The following CADM2 variants were observed in gnomAD, a reference collection of about 807,000 sequenced individuals.
CADM2 encodes immunoglobulin superfamily member 4D.
Under a neutral mutation model 49.8 loss-of-function variants are expected in CADM2, and 12 were observed. That is an observed-to-expected ratio of 0.24 (90% CI 0.15 to 0.39). CADM2 has a LOEUF of 0.39. Ranked by LOEUF, CADM2 falls within the 10% of genes least tolerant of loss-of-function variation. The pLI, the probability that CADM2 is intolerant of heterozygous loss-of-function variation, is 1.00. For missense variants in CADM2, 378 were observed against 492.3 expected, an observed-to-expected ratio of 0.77 and a Z score of 2.20; for synonymous variants, 214 against 175.4, an observed-to-expected ratio of 1.22 and a Z score of -1.74.
chr3:85,354,404 A>G (rs1355392716), intron 1 of CADM2, among the ~76,000 whole-genome samples: 6 of 150,602 alleles, frequency 4.0e-5, no homozygotes, highest in Non-Finnish European at 5.9e-5. Flanking sequence ...CCTAATGCTA[A>G]ATGACGAGTT....
intron 1 of CADM2, among the ~76,000 whole-genome samples, chr3:85,531,792 T>C (rs991088669): frequency 6.6e-6 from 1 of 152,196 alleles, no homozygotes; most frequent in Non-Finnish European, 1.5e-5. Flanking sequence ...TCAAACAAAA[T>C]TGGCTTTCTT....
intron 3 of CADM2, among the ~76,000 whole-genome samples, chr3:85,829,806 T>C (rs540215133): frequency 6.6e-6 from 1 of 152,042 alleles, no homozygotes; most frequent in Non-Finnish European, 1.5e-5. Flanking sequence ...CTTAGCGTAA[T>C]GTTCTCCAGG....
At chr3:85,327,825 C>G (rs2044799260) in intron 1 of CADM2, among the ~76,000 whole-genome samples, 1 of 151,990 alleles carries the variant, frequency 6.6e-6, no homozygotes, top group South Asian at 2.1e-4. Flanking sequence ...AAATTCTATT[C>G]TGAATAGTTA....
chr3:85,142,952 CTTA>C (rs1316601770), intron 1 of CADM2, among the ~76,000 whole-genome samples: 8 of 151,974 alleles, frequency 5.3e-5, no homozygotes, highest in Non-Finnish European at 1.2e-4. Flanking sequence ...TCCAATTTGC[CTTA>C]TTATCCCATT....
chr3:85,125,995 G>C (rs935931555), intron 1 of CADM2, among the ~76,000 whole-genome samples: 1 of 151,864 alleles, frequency 6.6e-6, no homozygotes, highest in African/African-American at 2.4e-5. Flanking sequence ...TTATTTTCTA[G>C]ATATTTGCAG....
chr3:85,826,524 T>C (rs1274043861), intron 3 of CADM2, among the ~76,000 whole-genome samples: 1 of 152,050 alleles, frequency 6.6e-6, no homozygotes, highest in Non-Finnish European at 1.5e-5. Flanking sequence ...ATTGTTTTAA[T>C]AGGCAGAAGT....
At chr3:85,715,331 T>C (rs547212052) in intron 1 of CADM2, among the ~76,000 whole-genome samples, 1 of 152,216 alleles carries the variant, frequency 6.6e-6, no homozygotes, top group Admixed American at 6.5e-5. Flanking sequence ...GAGCAAAAAG[T>C]ATTTTTTTAG....
intron 1 of CADM2, among the ~76,000 whole-genome samples, chr3:85,142,063 A>G (rs1299017141): frequency 2.0e-5 from 3 of 152,260 alleles, no homozygotes; most frequent in South Asian, 2.1e-4. Context: ...AGGAAATCAC[A>G]TAGTTACACC....
At chr3:85,044,069 T>C (rs1302606873) in intron 1 of CADM2, among the ~76,000 whole-genome samples, 2 of 152,038 alleles carry the variant, frequency 1.3e-5, no homozygotes, top group Non-Finnish European at 2.9e-5. Flanking sequence ...GTGACCTAAG[T>C]AGGGAAAGGA....
intron 1 of CADM2, among the ~76,000 whole-genome samples, chr3:85,630,247 T>C (rs2064265937): frequency 6.6e-6 from 1 of 152,030 alleles, no homozygotes; most frequent in Non-Finnish European, 1.5e-5. Context: ...CCCAGGTCTG[T>C]TTTCCCAGTA....
At chr3:85,614,567 C>G (rs533938695) in intron 1 of CADM2, among the ~76,000 whole-genome samples, 1 of 151,942 alleles carries the variant, frequency 6.6e-6, no homozygotes, top group East Asian at 1.9e-4. Flanking sequence ...CCCCCTTTCA[C>G]TTAAAAATGC....
intron 1 of CADM2, among the ~76,000 whole-genome samples, chr3:85,279,624 C>G (rs2043450570): frequency 6.6e-6 from 1 of 151,118 alleles, no homozygotes; most frequent in Non-Finnish European, 1.5e-5. Flanking sequence ...TGGTGATAGT[C>G]TCTAAATTTA....
At chr3:85,622,511 C>T (rs2064005566) in intron 1 of CADM2, among the ~76,000 whole-genome samples, 1 of 152,036 alleles carries the variant, frequency 6.6e-6, no homozygotes, top group Admixed American at 6.6e-5. Flanking sequence ...TCTGTTTCCT[C>T]TTGCCTCCTT....
chr3:85,953,894 T>C (rs1723743335), intron 7 of CADM2, among the ~76,000 whole-genome samples: 1 of 150,946 alleles, frequency 6.6e-6, no homozygotes, highest in South Asian at 2.1e-4. Flanking sequence ...ATAGGACATT[T>C]TCTGTTAATT....
In CADM2 at chr3:85,468,140, C is replaced by A. The variant is rs556455329; in HGVS notation, c.62-258382C>A. ...CTGCACTCCAGCCTGGGCGACAGAG[C>A]GAGACTCCGTCTCAAAAAAAAAAAA... On this transcript the variant is annotated intron_variant, in intron 1 of 9. Transcript: ENST00000383699. 9.9e-5 allele frequency among the ~76,000 whole-genome samples: 11 copies of A among 111,496 alleles called. No individual in the cohort carries two copies. The South Asian group carries it at 2.6e-3, about 26-fold the overall frequency. The allele number at this position is 111,496 out of a possible 152,430, so 73.1% of individuals were successfully genotyped here.
intron 1 of CADM2, among the ~76,000 whole-genome samples, chr3:84,990,115 A>G (rs187995523): frequency 2.0e-5 from 3 of 151,832 alleles, no homozygotes; most frequent in African/African-American, 7.2e-5. Context: ...TAAAACATGA[A>G]AGGGTATGGA....
At position 85,259,219 on chromosome 3, in the gene CADM2, G is replaced by A. The variant is rs185187913; in HGVS notation, c.61+299551G>A. Among the ~76,000 whole-genome samples, 277 of 152,226 alleles carry A rather than the reference G, an allele frequency of 1.8e-3. 1 individual carries two copies. Among genetic ancestry groups the A allele is most frequent in the African/African-American group, 6.4e-3 (265 of 41,554 alleles). ...AAGCACAGTCAAGTCATTGAACGCC[G>A]AGCATGACAGTGATGTAGGTGGATA... On this transcript the variant is annotated intron_variant, in intron 1 of 9. Transcript: ENST00000383699.
intron 1 of CADM2, among the ~76,000 whole-genome samples, chr3:85,085,809 A>C (rs2037346799): frequency 6.6e-6 from 1 of 152,100 alleles, no homozygotes; most frequent in Admixed American, 6.6e-5. Flanking sequence ...AATTCCGCAA[A>C]CTATATCATT....
intron 2 of CADM2, among the ~76,000 whole-genome samples, chr3:85,794,435 T>C (rs139835899): frequency 6.6e-6 from 1 of 152,288 alleles, no homozygotes; most frequent in African/African-American, 2.4e-5. Flanking sequence ...GATGTCTCAG[T>C]TACTATAACC....
Sources: allele counts gnomAD v4.1 joint callset (sites outside exome capture counted in the v4.1 genomes callset), GRCh38; gene constraint gnomAD v4.1.1; transcripts MANE v1.5; gene names NCBI Gene and HGNC (gene_info 2026-07-23, HGNC 2026-07-21).